Variants in SESTD1 observed in about 807,000 individuals in gnomAD.
The protein encoded by SESTD1 is SEC14 domain and spectrin repeat-containing protein 1.
Under a neutral mutation model 101.7 loss-of-function variants are expected in SESTD1, and 43 were observed. The ratio of observed to expected loss-of-function variants is 0.42; its 90% CI spans 0.33 to 0.55. The LOEUF (loss-of-function observed/expected upper bound fraction) is 0.55, where lower values mean the gene tolerates loss of function less well. Ranked by LOEUF, SESTD1 falls within the 20% of genes least tolerant of loss-of-function variation. The pLI, the probability that SESTD1 is intolerant of heterozygous loss-of-function variation, is 0.07. For missense variants in SESTD1, 647 were observed against 815.1 expected, an observed-to-expected ratio of 0.79 and a Z score of 2.51; for synonymous variants, 283 against 286.8, an observed-to-expected ratio of 0.99 and a Z score of 0.13.
chr2:179,165,568 T>C (rs1559123758), intron 5 of SESTD1, among the ~76,000 whole-genome samples: 1 of 152,198 alleles, frequency 6.6e-6, no homozygotes, highest in Non-Finnish European at 1.5e-5. Context: ...CTGCAGACCT[T>C]ACTAGCTGGC....
intron 10 of SESTD1, among the ~76,000 whole-genome samples, chr2:179,126,996 T>G (rs2044888956): frequency 6.6e-6 from 1 of 152,216 alleles, no homozygotes; most frequent in Non-Finnish European, 1.5e-5. Context: ...CAATAGCCGG[T>G]GATTTGCTTA....
Position 179,214,300 on chromosome 2 carries a change from T to C in SESTD1, c.-25-22434A>G, listed in dbSNP as rs892377898. ...GATGGAGGAAGATCTACTAAGCAAA[T>C]GGAAAGCAAAAAAAAGCAAAGGTTG... On this transcript the variant is annotated intron_variant, in intron 1 of 17. Transcript: ENST00000428443. Among the ~76,000 whole-genome samples, 7 of 132,298 alleles carry C rather than the reference T, an allele frequency of 5.3e-5. 2 individuals are homozygous for C. The highest frequency in any genetic ancestry group is 4.3e-3 in the Middle Eastern group (1 of 230). The allele number at this position is 132,298 out of a possible 152,430, so 86.8% of individuals were successfully genotyped here.
intron 1 of SESTD1, among the ~76,000 whole-genome samples, chr2:179,194,488 G>A (rs2046361601): frequency 2.0e-5 from 3 of 152,042 alleles, no homozygotes; most frequent in African/African-American, 7.3e-5. Flanking sequence ...ACCTCACTTG[G>A]CAGGACATGT....
chr2:179,198,502 A>AT (rs1425863999), intron 1 of SESTD1, among the ~76,000 whole-genome samples: 4 of 152,012 alleles, frequency 2.6e-5, no homozygotes, highest in Admixed American at 6.6e-5. Flanking sequence ...CAGAATATAC[A>AT]TTTTTTTCAG....
intron 1 of SESTD1, among the ~76,000 whole-genome samples, chr2:179,225,332 T>C (rs574686344): frequency 2.0e-4 from 30 of 152,190 alleles, no homozygotes; most frequent in Admixed American, 4.6e-4. Flanking sequence ...ATATAAATTC[T>C]CATGCTCGTG....
chr2:179,259,522 C>T (rs2047450688), intron 1 of SESTD1, among the ~76,000 whole-genome samples: 1 of 152,124 alleles, frequency 6.6e-6, no homozygotes. Context: ...GCCACCGCAC[C>T]CAGCCTTAGT....
intron 1 of SESTD1, among the ~76,000 whole-genome samples, chr2:179,206,743 A>G (rs1338175196): frequency 2.2e-5 from 3 of 135,008 alleles, no homozygotes; most frequent in East Asian, 2.0e-4. Context: ...GCAGGTGGGC[A>G]GGCAGGGAGG....
intron 3 of SESTD1, among the ~76,000 whole-genome samples, chr2:179,180,557 T>A (rs1180515301): frequency 6.6e-6 from 1 of 152,098 alleles, no homozygotes; most frequent in Non-Finnish European, 1.5e-5. Flanking sequence ...AAAACATTCC[T>A]AAGGACAAAA....
At position 179,132,361 on chromosome 2, in the gene SESTD1, G is replaced by A. The variant is rs2105428309; in HGVS notation, c.915C>T (p.Ser305=). 1 of 1,573,102 alleles carries A rather than the reference G, an allele frequency of 6.4e-7. No individual in the cohort carries two copies. Among genetic ancestry groups the A allele is most frequent in the Non-Finnish European group, 8.6e-7 (1 of 1,167,612 alleles). ...GCTGTAGGGCCTGGGAGGCCCTAAT[G>A]GAGTCTCCAATGCCCCACTGGGCTC... ...QLRAQWGIGD[S]IRASQALQQK... is the part of the protein sequence containing the mutation. The change falls in exon 10 of 18, where the codon TCC becomes TCT. Residue 305 remains serine (S), a synonymous_variant. Coordinates refer to ENST00000428443, the MANE Select transcript of SESTD1 (RefSeq NM_178123.5).
intron 1 of SESTD1, among the ~76,000 whole-genome samples, chr2:179,231,227 T>C (rs949773021): frequency 1.3e-5 from 2 of 152,144 alleles, no homozygotes; most frequent in African/African-American, 4.8e-5. Flanking sequence ...GAACTGGTGG[T>C]GAAATTTTAA....
chr2:179,122,071 A>AGGTG, intron 12 of SESTD1, 142 bp from the exon 13 acceptor site: 1 of 601,768 alleles, frequency 1.7e-6, no homozygotes, highest in Non-Finnish European at 2.5e-6. Context: ...TGGAATCCCA[A>AGGTG]GACTCCATCC....
chr2:179,204,724 T>TC lies in SESTD1; in HGVS notation c.-25-12859dup, dbSNP rs1322176254. Reference sequence around the variant, plus strand: ...TTCATGCTAAGGCACCAGCACTTTTTCCCACCAATGCTTTTACACCATCAG... The same window carrying TC: ...TTCATGCTAAGGCACCAGCACTTTTTCCCCACCAATGCTTTTACACCATCAG... On this transcript the variant is annotated intron_variant, in intron 1 of 17. Coordinates refer to ENST00000428443, the MANE Select transcript of SESTD1 (RefSeq NM_178123.5). 1.5e-5 allele frequency among the ~76,000 whole-genome samples: 2 copies of TC among 135,190 alleles called. 1 individual carries two copies. 88.7% of individuals were successfully genotyped at this position (135,190 alleles called of 152,430 possible).
At chr2:179,169,721 C>A (rs2045897629) in intron 5 of SESTD1, among the ~76,000 whole-genome samples, 1 of 152,086 alleles carries the variant, frequency 6.6e-6, no homozygotes, top group Non-Finnish European at 1.5e-5. Context: ...GTGCCTCATG[C>A]CTGTAATCCC....
At chr2:179,230,139 T>C (rs2046964960) in intron 1 of SESTD1, among the ~76,000 whole-genome samples, 1 of 80,444 alleles carries the variant, frequency 1.2e-5, no homozygotes, top group Non-Finnish European at 2.5e-5. Context: ...TTTTTTTTTT[T>C]TTTTTTTTTT....
At chr2:179,219,703 G>T (rs1040101372) in intron 1 of SESTD1, among the ~76,000 whole-genome samples, 1 of 152,178 alleles carries the variant, frequency 6.6e-6, no homozygotes, top group Non-Finnish European at 1.5e-5. Context: ...GTCAACAATG[G>T]AAATTTTATG....
chr2:179,116,188 C>T (rs577274225), intron 15 of SESTD1, among the ~76,000 whole-genome samples: 3 of 151,980 alleles, frequency 2.0e-5, no homozygotes, highest in Admixed American at 1.3e-4. Context: ...GCATGAGAAT[C>T]GCCTGAACCT....
chr2:179,117,643 T>C lies in SESTD1; in HGVS notation c.1443-30A>G, dbSNP rs774209017. ...TGAACCCAAACATAAATTTAACTCATCATTTCTGTTTTATTGATTACTATT... is the reference window on the plus strand; with the variant it reads ...TGAACCCAAACATAAATTTAACTCACCATTTCTGTTTTATTGATTACTATT... On this transcript the variant is annotated intron_variant, in intron 13 of 17. Transcript: ENST00000428443. 12 of 1,521,548 alleles carry C rather than the reference T, an allele frequency of 7.9e-6. No homozygotes were observed. In the Admixed American group the frequency reaches 1.2e-4, roughly 15 times the overall value. 94.3% of individuals were successfully genotyped at this position (1,521,548 alleles called of 1,614,324 possible).
intron 1 of SESTD1, among the ~76,000 whole-genome samples, chr2:179,248,751 C>T (rs1465104705): frequency 6.6e-6 from 1 of 151,834 alleles, no homozygotes; most frequent in Non-Finnish European, 1.5e-5. Flanking sequence ...TAATATTATA[C>T]TCAATTGTGA....
intron 1 of SESTD1, among the ~76,000 whole-genome samples, chr2:179,219,195 G>GATGT (rs1413728452): frequency 6.6e-6 from 1 of 152,140 alleles, no homozygotes; most frequent in Non-Finnish European, 1.5e-5. Flanking sequence ...GGCAGCAGAG[G>GATGT]ATGTATTCAG....
Sources: gnomAD v4.1 joint callset for allele counts (sites outside exome capture counted in the v4.1 genomes callset) on GRCh38, gnomAD v4.1.1 for gene constraint, MANE v1.5 for transcripts, NCBI Gene and HGNC (gene_info 2026-07-23, HGNC 2026-07-21) for gene names.